NOX3: variants seen among roughly 807,000 people sequenced by gnomAD.
NOX3 encodes the protein NADPH oxidase 3.
NOX3 carries 74 observed loss-of-function variants against 76.7 expected under a neutral mutation model. The observed-to-expected ratio is 0.96, with a 90% CI of 0.80 to 1.17. NOX3 has a LOEUF of 1.17. Among genes scored for constraint, NOX3 ranks in the 50% most tolerant of loss-of-function variants. The pLI, the probability that NOX3 is intolerant of heterozygous loss-of-function variation, is 0.00. For missense variants in NOX3, 695 were observed against 703.3 expected, an observed-to-expected ratio of 0.99 and a Z score of 0.13; for synonymous variants, 263 against 261.1, an observed-to-expected ratio of 1.01 and a Z score of -0.07.
intron 10 of NOX3, among the ~76,000 whole-genome samples, chr6:155,413,669 G>T (rs12527321): frequency 0.097 from 14,786 of 152,088 alleles, 941 homozygotes; most frequent in East Asian, 0.18. Flanking sequence ...GCTTTGCTCT[G>T]GGTGGAAATG....
intron 9 of NOX3, among the ~76,000 whole-genome samples, chr6:155,427,385 T>C (rs1446651763): frequency 6.6e-6 from 1 of 152,224 alleles, no homozygotes; most frequent in Non-Finnish European, 1.5e-5. Context: ...TTTATTGTGG[T>C]ACCTTGTTTG....
At chr6:155,420,903 T>C (rs1776681117) in intron 10 of NOX3, among the ~76,000 whole-genome samples, 1 of 152,216 alleles carries the variant, frequency 6.6e-6, no homozygotes, top group South Asian at 2.1e-4. Flanking sequence ...TATACACATT[T>C]CTATGGTAAT....
chr6:155,453,476 G>T lies in NOX3; in HGVS notation c.268C>A (p.Pro90Thr). 1 of 1,613,086 alleles carries T rather than the reference G, an allele frequency of 6.2e-7. No individual in the cohort carries two copies. The highest frequency in any genetic ancestry group is 8.5e-7 in the Non-Finnish European group (1 of 1,179,092). ...TTTTTGTCTAATTGCCTCCTCCACG[G>T]TCCTCTGCAGCACTAGAGTAACAAA... ...IRGTSICCRG[P>T]WRRQLDKNLR... The change falls in exon 4 of 14, where the codon CCG becomes ACG. Residue 90 changes from proline (P) to threonine (T), a missense_variant. By Grantham distance (38) the Pro-to-Thr change is conservative. Coordinates refer to ENST00000159060, the MANE Select transcript of NOX3 (RefSeq NM_015718.3).
At chr6:155,409,218 G>A (rs948771016) in intron 11 of NOX3, among the ~76,000 whole-genome samples, 7 of 152,156 alleles carry the variant, frequency 4.6e-5, no homozygotes, top group African/African-American at 1.2e-4. Flanking sequence ...AGAAGGTGGG[G>A]AACAGTGGCA....
intron 9 of NOX3, among the ~76,000 whole-genome samples, chr6:155,425,072 C>T (rs966152624): frequency 3.3e-5 from 5 of 152,190 alleles, no homozygotes; most frequent in Non-Finnish European, 5.9e-5. Context: ...TGTTAAACTG[C>T]GGGGCACCTT....
intron 12 of NOX3, 44 bp downstream of exon 12, chr6:155,407,086 C>A: frequency 6.2e-7 from 1 of 1,612,166 alleles, no homozygotes; most frequent in South Asian, 1.1e-5. Context: ...TTGCATTTCT[C>A]CAGAGAAGAG....
At chr6:155,401,758 C>G (rs1490146995) in intron 12 of NOX3, among the ~76,000 whole-genome samples, 1 of 114,160 alleles carries the variant, frequency 8.8e-6, no homozygotes, top group Non-Finnish European at 1.8e-5. Context: ...TTTTTTTCTT[C>G]AAAGTTAAAA....
At chr6:155,421,231 C>T (rs2114688558) in intron 10 of NOX3, among the ~76,000 whole-genome samples, 1 of 152,300 alleles carries the variant, frequency 6.6e-6, no homozygotes, top group Non-Finnish European at 1.5e-5. Context: ...CTTTGATTAC[C>T]CATGTCTTTT....
At chr6:155,451,787 G>C (rs947726398) in intron 4 of NOX3, among the ~76,000 whole-genome samples, 1 of 151,890 alleles carries the variant, frequency 6.6e-6, no homozygotes, top group African/African-American at 2.4e-5. Flanking sequence ...ACCACGCCCA[G>C]CTAATATTTT....
At chr6:155,408,766 G>A (rs1334278660) in intron 11 of NOX3, among the ~76,000 whole-genome samples, 1 of 152,170 alleles carries the variant, frequency 6.6e-6, no homozygotes, top group African/African-American at 2.4e-5. Flanking sequence ...GGAATACTAT[G>A]CAGCCATAAA....
intron 12 of NOX3, among the ~76,000 whole-genome samples, chr6:155,401,171 T>C (rs1261888926): frequency 6.6e-6 from 1 of 152,202 alleles, no homozygotes; most frequent in Admixed American, 6.5e-5. Flanking sequence ...ATCCACCCTG[T>C]ACTCACCCAT....
chr6:155,425,004 G>C (rs1275360837), intron 9 of NOX3, among the ~76,000 whole-genome samples: 1 of 152,174 alleles, frequency 6.6e-6, no homozygotes, highest in African/African-American at 2.4e-5. Flanking sequence ...TTTGGTCTAA[G>C]TTCCCTGCTA....
At chr6:155,434,015 C>T (rs909786824) in intron 7 of NOX3, among the ~76,000 whole-genome samples, 9 of 152,166 alleles carry the variant, frequency 5.9e-5, no homozygotes, top group Non-Finnish European at 1.2e-4. Flanking sequence ...AACTTGTTTC[C>T]TTCACTTTCA....
intron 5 of NOX3, among the ~76,000 whole-genome samples, chr6:155,440,949 C>T (rs1776977287): frequency 6.6e-6 from 1 of 152,132 alleles, no homozygotes; most frequent in Non-Finnish European, 1.5e-5. Flanking sequence ...TTGGAAAGAC[C>T]ATGACTTGCA....
chr6:155,424,053 C>T (rs6900372), intron 9 of NOX3, among the ~76,000 whole-genome samples: 40,706 of 151,986 alleles, frequency 0.27, 5,764 homozygotes, highest in African/African-American at 0.33. Flanking sequence ...TTCTCCAGTT[C>T]CTTCCCTCTC....
chr6:155,411,396 T>A (rs771342250), intron 10 of NOX3, 36 bp from the exon 11 acceptor site: 1 of 1,580,484 alleles, frequency 6.3e-7, no homozygotes. Flanking sequence ...GGATCTATTC[T>A]CTTTTCATAT....
At chr6:155,434,874 G>A (rs1776881060) in intron 7 of NOX3, among the ~76,000 whole-genome samples, 1 of 152,156 alleles carries the variant, frequency 6.6e-6, no homozygotes, top group East Asian at 1.9e-4. Flanking sequence ...ACAGTGAACC[G>A]CTGAAGGAGA....
At chr6:155,409,315 G>A (rs999881978) in intron 11 of NOX3, among the ~76,000 whole-genome samples, 5 of 152,080 alleles carry the variant, frequency 3.3e-5, no homozygotes, top group Admixed American at 6.6e-5. Flanking sequence ...GGGTGAACAC[G>A]CATCCTTTGG....
chr6:155,414,926 C>A (rs923392979), intron 10 of NOX3, among the ~76,000 whole-genome samples: 1 of 152,166 alleles, frequency 6.6e-6, no homozygotes, highest in African/African-American at 2.4e-5. Context: ...TCGTGCCCAG[C>A]CACATTCTTG....
Sources: gnomAD v4.1 joint callset for allele counts (sites outside exome capture counted in the v4.1 genomes callset) on GRCh38, gnomAD v4.1.1 for gene constraint, MANE v1.5 for transcripts, NCBI Gene and HGNC (gene_info 2026-07-23, HGNC 2026-07-21) for gene names.